Variants in SEMA6A observed in about 807,000 individuals in gnomAD.
SEMA6A encodes semaphorin-6A.
A neutral mutation model predicts 96.8 loss-of-function variants in SEMA6A; 25 were observed. The ratio of observed to expected loss-of-function variants is 0.26; its 90% confidence interval spans 0.19 to 0.36. The LOEUF (loss-of-function observed/expected upper bound fraction) is 0.36. Among genes scored for constraint, SEMA6A ranks in the 10% least tolerant of loss-of-function variants. SEMA6A has a pLI of 1.00. For missense variants in SEMA6A, 1,363 were observed against 1,323.1 expected, an observed-to-expected ratio of 1.03 and a Z score of -0.47; for synonymous variants, 612 against 518.0, an observed-to-expected ratio of 1.18 and a Z score of -2.46.
intron 3 of SEMA6A, among the ~76,000 whole-genome samples, chr5:116,500,809 C>T (rs1757841225): frequency 6.6e-6 from 1 of 152,092 alleles, no homozygotes; most frequent in African/African-American, 2.4e-5. Flanking sequence ...AGTTTGAGAC[C>T]AGCCTGGCTA....
rs1430841371 is a variant in SEMA6A at position 116,447,478 on chromosome 5, A to G, written c.2228T>C (p.Ile743Thr). 1 of 1,614,064 alleles carries G rather than the reference A, an allele frequency of 6.2e-7. No individual in the cohort carries two copies. Among genetic ancestry groups the G allele is most frequent in the Non-Finnish European group, 8.5e-7 (1 of 1,179,902 alleles). Residue 743 changes from isoleucine to threonine, a missense_variant, in exon 19 of 19, where the codon ATT (isoleucine) becomes ACT (threonine). Ile to Thr is a moderately conservative substitution (Grantham distance 89). Around this residue, in one of 2 missense-constraint regions of SEMA6A, gnomAD observed 883 missense variants for 763.6 expected, o/e 1.16. Coordinates refer to ENST00000343348, the MANE Select transcript of SEMA6A (RefSeq NM_020796.5). ...ATPGNTAKML[I>T]KADQHHLDLT... ...GTCCAGGTGGTGCTGGTCTGCTTTA[A>G]TGAGCATCTTGGCCGTGTTGCCGGG...
intron 1 of SEMA6A, among the ~76,000 whole-genome samples, chr5:116,514,651 C>T (rs1758584347): frequency 6.6e-6 from 1 of 152,156 alleles, no homozygotes; most frequent in South Asian, 2.1e-4. Flanking sequence ...GCTGAGAACT[C>T]CTGACTTCTC....
chr5:116,501,876 G>A (rs1017879982), intron 3 of SEMA6A, among the ~76,000 whole-genome samples: 1 of 152,122 alleles, frequency 6.6e-6, no homozygotes, highest in Non-Finnish European at 1.5e-5. Flanking sequence ...AACAAAGAAC[G>A]AAAACTCCAT....
chr5:116,487,167 G>A (rs142388857), intron 9 of SEMA6A: 43 of 544,284 alleles, frequency 7.9e-5, no homozygotes, highest in Middle Eastern at 5.0e-4. Context: ...AAAAGATAAG[G>A]CTGTGGCATT....
chr5:116,482,160 AG>A (rs1756810955), intron 11 of SEMA6A, among the ~76,000 whole-genome samples: 1 of 152,194 alleles, frequency 6.6e-6, no homozygotes, highest in Admixed American at 6.6e-5. Flanking sequence ...TTACCTCTCC[AG>A]GCCTCAGTTT....
At chr5:116,463,542 A>G (rs1755544993) in intron 18 of SEMA6A, among the ~76,000 whole-genome samples, 1 of 152,246 alleles carries the variant, frequency 6.6e-6, no homozygotes, top group Non-Finnish European at 1.5e-5. Flanking sequence ...TTGTACATTG[A>G]TTAAAATATA....
At chr5:116,459,216 C>T (rs903258787) in intron 18 of SEMA6A, among the ~76,000 whole-genome samples, 3 of 152,112 alleles carry the variant, frequency 2.0e-5, no homozygotes, top group African/African-American at 7.2e-5. Context: ...AAGCATCTAC[C>T]AGGAAAATGC....
At chr5:116,467,858 A>T in intron 17 of SEMA6A, 111 bp from the exon 18 acceptor site, 1 of 945,838 alleles carries the variant, frequency 1.1e-6, no homozygotes, top group Non-Finnish European at 1.5e-6. Context: ...CTGAGAGGAG[A>T]TGGCCCTAGA....
At chr5:116,482,811 C>A (rs562617975) in intron 10 of SEMA6A, among the ~76,000 whole-genome samples, 1 of 152,282 alleles carries the variant, frequency 6.6e-6, no homozygotes, top group Admixed American at 6.5e-5. Flanking sequence ...GAAAAAAACT[C>A]TTCATGTCTA....
At chr5:116,456,547 T>C (rs1755022311) in intron 18 of SEMA6A, among the ~76,000 whole-genome samples, 1 of 152,210 alleles carries the variant, frequency 6.6e-6, no homozygotes, top group Non-Finnish European at 1.5e-5. Context: ...CTGCTACTCC[T>C]GCAAAAGAAT....
chr5:116,560,156 C>T (rs1349498993), intron 1 of SEMA6A, among the ~76,000 whole-genome samples: 1 of 152,206 alleles, frequency 6.6e-6, no homozygotes, highest in African/African-American at 2.4e-5. Context: ...ATACGGAGAC[C>T]TCACTCCGCA....
chr5:116,520,375 T>C (rs1006465636), intron 1 of SEMA6A, among the ~76,000 whole-genome samples: 2 of 151,910 alleles, frequency 1.3e-5, no homozygotes, highest in Non-Finnish European at 2.9e-5. Flanking sequence ...TCTATGTGGG[T>C]AAATTGGTCT....
At chr5:116,453,631 T>C (rs538775674) in intron 18 of SEMA6A, among the ~76,000 whole-genome samples, 2 of 152,338 alleles carry the variant, frequency 1.3e-5, no homozygotes, top group East Asian at 3.9e-4. Context: ...AGGAAAGTTC[T>C]TGGTTAATTT....
intron 1 of SEMA6A, among the ~76,000 whole-genome samples, chr5:116,533,150 TAA>T (rs576398634): frequency 1.6e-4 from 24 of 152,228 alleles, no homozygotes; most frequent in Non-Finnish European, 2.9e-4. Context: ...AGTTAATTGC[TAA>T]GTCAACATTT....
chr5:116,573,237 G>T (rs1166669785), intron 1 of SEMA6A, among the ~76,000 whole-genome samples: 1 of 152,174 alleles, frequency 6.6e-6, no homozygotes, highest in East Asian at 1.9e-4. Context: ...TGAGGAGTCG[G>T]AACAGAGCCC....
At chr5:116,559,832 T>C (rs951866880) in intron 1 of SEMA6A, among the ~76,000 whole-genome samples, 2 of 152,206 alleles carry the variant, frequency 1.3e-5, no homozygotes, top group Non-Finnish European at 2.9e-5. Flanking sequence ...GGCTGTACCA[T>C]GCCAACATAC....
chr5:116,476,704 T>G (rs989293228), intron 15 of SEMA6A, among the ~76,000 whole-genome samples: 1 of 152,216 alleles, frequency 6.6e-6, no homozygotes, highest in Non-Finnish European at 1.5e-5. Flanking sequence ...ATGTTGAACA[T>G]AGAAAGGACA....
rs772387694 is a variant in SEMA6A at position 116,447,096 on chromosome 5, A to G, written c.2610T>C (p.Leu870=). The change falls in exon 19 of 19, where the codon CTT becomes CTC. Residue 870 remains leucine (L), a synonymous_variant. Coordinates refer to ENST00000343348, the MANE Select transcript of SEMA6A (RefSeq NM_020796.5). ...GGGGCAGGCTGTCCAGGTTCTCCAC[A>G]AGGTTCACCCCATGGTTGGGACTCT... is the stretch of plus-strand genomic sequence containing the variant. ...SSKSPNHGVN[L]VENLDSLPPK... 3 of 1,613,860 alleles carry G rather than the reference A, an allele frequency of 1.9e-6. No individual in the cohort carries two copies. Among genetic ancestry groups the G allele is most frequent in the South Asian group, 1.1e-5 (1 of 91,080 alleles).
At chr5:116,469,242 T>A (rs1160350950) in intron 17 of SEMA6A, 1 of 152,230 alleles carries the variant, frequency 6.6e-6, no homozygotes, top group African/African-American at 2.4e-5. Context: ...GAAAATAGTC[T>A]GCTTCGTATC....
Sources: gnomAD v4.1 joint callset for allele counts (sites outside exome capture counted in the v4.1 genomes callset) on GRCh38, gnomAD v4.1.1 for gene constraint, gnomAD v4.1.1 regional missense constraint, MANE v1.5 for transcripts, NCBI Gene and HGNC (gene_info 2026-07-23, HGNC 2026-07-21) for gene names.